COL22A1: variants seen among roughly 807,000 people sequenced by gnomAD.
The protein encoded by COL22A1 is collagen alpha-1(XXII) chain.
A neutral mutation model predicts 248.9 loss-of-function variants in COL22A1; 221 were observed. That is an observed-to-expected ratio of 0.89 (90% CI 0.80 to 0.99). The LOEUF is 0.99. Ranked by LOEUF, COL22A1 falls within the 50% of genes least tolerant of loss-of-function variation. The probability of loss-of-function intolerance (pLI) is 0.00; values close to 1 mark genes in which losing one functional copy is unlikely to be tolerated. For synonymous variants in COL22A1, 891 were observed against 793.4 expected (o/e 1.12, Z -2.07); for missense variants, 2,240 against 2,179.0 (o/e 1.03, Z -0.56).
intron 32 of COL22A1, among the ~76,000 whole-genome samples, chr8:138,697,638 G>C (rs1011877115): frequency 4.6e-5 from 7 of 152,172 alleles, no homozygotes; most frequent in African/African-American, 1.4e-4. Context: ...GTGACAAAAT[G>C]AGTCGGGCTT....
At chr8:138,606,809 C>T (rs1818463309) in intron 57 of COL22A1, among the ~76,000 whole-genome samples, 1 of 152,162 alleles carries the variant, frequency 6.6e-6, no homozygotes, top group South Asian at 2.1e-4. Flanking sequence ...GGCCAAAGCT[C>T]ACTTGGTAGA....
At chr8:138,624,628 C>A (rs1413397731) in intron 51 of COL22A1, among the ~76,000 whole-genome samples, 3 of 152,184 alleles carry the variant, frequency 2.0e-5, no homozygotes, top group Admixed American at 2.0e-4. Context: ...CTTAGCTTTA[C>A]CATTGCTAAA....
At position 138,642,656 on chromosome 8, in the gene COL22A1, T is replaced by TG. The variant is rs1821818334; in HGVS notation, c.3501+3972dup. ...AAAACATCAGCACTGCATGCAGGCT[T>TG]GGGCTGAAGGAGAAAACAGTCCATA... On this transcript the variant is annotated intron_variant, in intron 47 of 64. Coordinates refer to ENST00000303045, the MANE Select transcript of COL22A1 (RefSeq NM_152888.3). Among the ~76,000 whole-genome samples, 6 of 152,322 alleles carry TG rather than the reference T, an allele frequency of 3.9e-5. No individual in the cohort carries two copies. The South Asian group carries it at 1.2e-3, about 32-fold the overall frequency.
At chr8:138,723,675 G>A (rs1224658928) in intron 25 of COL22A1, among the ~76,000 whole-genome samples, 2 of 152,164 alleles carry the variant, frequency 1.3e-5, no homozygotes, top group African/African-American at 2.4e-5. Flanking sequence ...ACGTTTGCCG[G>A]TGATGGTGCC....
chr8:138,662,002 T>A (rs778134419), intron 43 of COL22A1, 28 bp downstream of exon 43: 1 of 1,594,110 alleles, frequency 6.3e-7, no homozygotes, highest in Admixed American at 1.7e-5. Flanking sequence ...GGGCCTTCAC[T>A]GAGTCCACGC....
chr8:138,660,991 C>T (rs1479456454), intron 43 of COL22A1, among the ~76,000 whole-genome samples: 3 of 143,486 alleles, frequency 2.1e-5, no homozygotes, highest in Non-Finnish European at 4.6e-5. Context: ...CACACATACA[C>T]ACATACACAT....
At chr8:138,767,604 C>G (rs1834009700) in intron 16 of COL22A1, among the ~76,000 whole-genome samples, 1 of 152,200 alleles carries the variant, frequency 6.6e-6, no homozygotes, top group Non-Finnish European at 1.5e-5. Context: ...GCTCTGAGAA[C>G]CAAGTGCTGA....
intron 3 of COL22A1, among the ~76,000 whole-genome samples, chr8:138,863,636 G>A (rs538634203): frequency 5.3e-5 from 8 of 152,306 alleles, no homozygotes; most frequent in African/African-American, 1.9e-4. Context: ...AGAACGCAAC[G>A]CGGAAGTGGG....
intron 30 of COL22A1, among the ~76,000 whole-genome samples, chr8:138,714,825 C>G (rs1050460133): frequency 2.6e-5 from 4 of 152,146 alleles, no homozygotes; most frequent in Admixed American, 1.3e-4. Context: ...CAGGCTGGCT[C>G]CAGGGTCAAC....
chr8:138,848,873 G>GA (rs1821432310), intron 3 of COL22A1, among the ~76,000 whole-genome samples: 1 of 152,172 alleles, frequency 6.6e-6, no homozygotes, highest in South Asian at 2.1e-4. Flanking sequence ...AGGAGCAGTA[G>GA]AAACAAGGGA....
intron 45 of COL22A1, among the ~76,000 whole-genome samples, chr8:138,651,122 C>A (rs146940482): frequency 3.9e-5 from 6 of 152,142 alleles, no homozygotes; most frequent in African/African-American, 1.4e-4. Flanking sequence ...ACTTGTTTCA[C>A]CTACTCAGTC....
chr8:138,778,357 G>C lies in COL22A1; in HGVS notation c.1754C>G (p.Ala585Gly), dbSNP rs780293240. The change falls in exon 15 of 65, where the codon GCT becomes GGT. Residue 585 changes from alanine to glycine, a missense_variant. Coordinates refer to ENST00000303045, the MANE Select transcript of COL22A1 (RefSeq NM_152888.3). ...CAGACAAGTGCCTTCACTTACAGGA[G>C]CTCCGACACGTCCAGGAGGTCCGGG... ...GLPGPPGRVG[A>G]PGLQGERGEK... 1.2e-6 allele frequency: 2 copies of C among 1,613,880 alleles called. No homozygotes were observed. Among genetic ancestry groups the C allele is most frequent in the Non-Finnish European group, 1.7e-6 (2 of 1,179,914 alleles).
intron 59 of COL22A1, among the ~76,000 whole-genome samples, chr8:138,603,686 T>C (rs995850998): frequency 1.3e-5 from 2 of 152,108 alleles, no homozygotes; most frequent in African/African-American, 2.4e-5. Flanking sequence ...TAAACAATGA[T>C]TGGGCAATGA....
chr8:138,895,314 T>C (rs1825328156), intron 1 of COL22A1, among the ~76,000 whole-genome samples: 1 of 151,780 alleles, frequency 6.6e-6, no homozygotes, highest in African/African-American at 2.4e-5. Context: ...AATGAGAAAA[T>C]TCAATCAACT....
chr8:138,790,856 C>T (rs529603789), intron 12 of COL22A1, among the ~76,000 whole-genome samples: 2 of 148,104 alleles, frequency 1.4e-5, no homozygotes, highest in Non-Finnish European at 1.5e-5. Flanking sequence ...AAACACCCTA[C>T]GTCCCTACCC....
chr8:138,780,669 C>T (rs892813715), intron 13 of COL22A1, among the ~76,000 whole-genome samples: 3 of 152,130 alleles, frequency 2.0e-5, no homozygotes, highest in Non-Finnish European at 4.4e-5. Context: ...AACAAGGTTG[C>T]CTTGCAGAAC....
chr8:138,696,005 G>A (rs958555333), intron 32 of COL22A1, among the ~76,000 whole-genome samples: 3 of 152,118 alleles, frequency 2.0e-5, no homozygotes, highest in African/African-American at 4.8e-5. Context: ...GGGCAAAGTA[G>A]TTACCCATAC....
At chr8:138,890,090 A>C (rs1301755217) in intron 1 of COL22A1, among the ~76,000 whole-genome samples, 1 of 152,238 alleles carries the variant, frequency 6.6e-6, no homozygotes, top group African/African-American at 2.4e-5. Context: ...TACAAAAATC[A>C]ATCAATGTAA....
At chr8:138,719,926 C>T (rs946686227) in intron 27 of COL22A1, among the ~76,000 whole-genome samples, 2 of 152,180 alleles carry the variant, frequency 1.3e-5, no homozygotes, top group Admixed American at 6.5e-5. Context: ...GAGCAGAACT[C>T]CCCGCAATCT....
Sources: gnomAD v4.1 joint callset for allele counts (sites outside exome capture counted in the v4.1 genomes callset) on GRCh38, gnomAD v4.1.1 for gene constraint, MANE v1.5 for transcripts, NCBI Gene and HGNC (gene_info 2026-07-23, HGNC 2026-07-21) for gene names.